Variants in BPGM observed in about 807,000 individuals in gnomAD.
The protein encoded by BPGM is bisphosphoglycerate mutase.
A neutral mutation model predicts 21.6 loss-of-function variants in BPGM; 15 were observed. That is an observed-to-expected ratio of 0.70 (90% CI 0.47 to 1.07). The LOEUF (loss-of-function observed/expected upper bound fraction) is 1.07. Among genes scored for constraint, BPGM ranks in the 50% least tolerant of loss-of-function variants. The pLI is 0.00. For missense variants in BPGM, 273 were observed against 319.0 expected (o/e 0.86, Z 1.10); for synonymous variants, 113 against 116.2 (o/e 0.97, Z 0.18).
rs532840399 is a variant in BPGM at position 134,674,736 on chromosome 7, G to C, written c.602-4117G>C. On this transcript the variant is annotated intron_variant, in intron 2 of 2. Transcript: ENST00000344924. ...TGCTGCTATGAAGGTTTGTGTACAAGTTTTGTATAGACTCATATTTCACTT... is the reference window on the plus strand; with the variant it reads ...TGCTGCTATGAAGGTTTGTGTACAACTTTTGTATAGACTCATATTTCACTT... Among the ~76,000 whole-genome samples, 128 of 152,170 alleles carry C rather than the reference G, an allele frequency of 8.4e-4. 2 individuals carry two copies. Among genetic ancestry groups the C allele is most frequent in the Non-Finnish European group, 1.8e-4 (12 of 68,030 alleles).
intron 2 of BPGM, among the ~76,000 whole-genome samples, chr7:134,668,969 G>A (rs1795861578): frequency 6.6e-6 from 1 of 152,142 alleles, no homozygotes; most frequent in Admixed American, 6.6e-5. Context: ...TTTATATCCT[G>A]ATTGGTTATT....
In BPGM at chr7:134,679,582, C is replaced by T. The variant is rs1486250167; in HGVS notation, c.*551C>T. 1 of 153,342 alleles carries T rather than the reference C, an allele frequency of 6.5e-6. No homozygotes were observed. Among genetic ancestry groups the T allele is most frequent in the Non-Finnish European group, 1.5e-5 (1 of 68,822 alleles). The allele number at this position is 153,342 out of a possible 1,614,324, so 9.5% of individuals were successfully genotyped here. ...TCTCCAAGAAAGCCAACAACCACCA[C>T]CACAATGACAGAAATGACAACAAGG... On this transcript the variant is annotated 3_prime_UTR_variant, in exon 3 of 3. Coordinates refer to ENST00000344924, the MANE Select transcript of BPGM (RefSeq NM_001724.5).
In BPGM at chr7:134,679,096, T is replaced by C. The variant is rs1433572944; in HGVS notation, c.*65T>C. On this transcript the variant is annotated 3_prime_UTR_variant, in exon 3 of 3. Transcript: ENST00000344924. ...TGGCATAGGAGTGTGTTATGGGTGC[T>C]GAACTCTCTCTCTTTTTCCCCGATT... The C allele has an allele frequency of 6.4e-7, 1 of 1,553,572 alleles. No individual in the cohort carries two copies. The highest frequency in any genetic ancestry group is 8.8e-7 in the Non-Finnish European group (1 of 1,132,248).
At chr7:134,656,075 A>C (rs1795632809) in intron 1 of BPGM, among the ~76,000 whole-genome samples, 1 of 152,186 alleles carries the variant, frequency 6.6e-6, no homozygotes, top group Non-Finnish European at 1.5e-5. Flanking sequence ...TGTCACCATC[A>C]CCTGAGGACT....
At chr7:134,657,915 C>A (rs1371762291) in intron 1 of BPGM, among the ~76,000 whole-genome samples, 5 of 152,108 alleles carry the variant, frequency 3.3e-5, no homozygotes, top group African/African-American at 1.2e-4. Flanking sequence ...GGGTTCTGAC[C>A]GTCTCCTGGG....
At chr7:134,672,970 A>G (rs1223916682) in intron 2 of BPGM, among the ~76,000 whole-genome samples, 9 of 152,044 alleles carry the variant, frequency 5.9e-5, no homozygotes, top group Admixed American at 5.9e-4. Flanking sequence ...GTCAGGAGAT[A>G]GAGACCATCC....
intron 1 of BPGM, among the ~76,000 whole-genome samples, chr7:134,647,939 A>G (rs1232113211): frequency 6.6e-6 from 1 of 151,826 alleles, no homozygotes; most frequent in Non-Finnish European, 1.5e-5. Flanking sequence ...CTGGGATTAC[A>G]AGCATAGGCC....
chr7:134,672,702 A>T (rs1046308413), intron 2 of BPGM, among the ~76,000 whole-genome samples: 1 of 152,154 alleles, frequency 6.6e-6, no homozygotes, highest in Admixed American at 6.6e-5. Flanking sequence ...CTAGATGTGA[A>T]ATCTGTATAT....
At chr7:134,656,507 A>G (rs1343618960) in intron 1 of BPGM, among the ~76,000 whole-genome samples, 1 of 152,260 alleles carries the variant, frequency 6.6e-6, no homozygotes, top group Admixed American at 6.5e-5. Context: ...ACAGTTCAGC[A>G]TGGCTGGAGA....
intron 1 of BPGM, among the ~76,000 whole-genome samples, chr7:134,655,374 A>T (rs1241993876): frequency 6.6e-6 from 1 of 152,096 alleles, no homozygotes; most frequent in African/African-American, 2.4e-5. Flanking sequence ...TGGGTTTGGA[A>T]GGACAAGTTG....
In BPGM at chr7:134,675,326, A is replaced by C. The variant is rs79661863; in HGVS notation, c.602-3527A>C. Among the ~76,000 whole-genome samples the C allele has an allele frequency of 2.0e-5, 3 of 152,220 alleles. No homozygotes were observed. In the East Asian group the frequency reaches 5.8e-4, roughly 29 times the overall value. On this transcript the variant is annotated intron_variant, in intron 2 of 2. Coordinates refer to ENST00000344924, the MANE Select transcript of BPGM (RefSeq NM_001724.5). ...TATCTGAGAAACCATTAATTAACTCAAGGTGATGAAGACTTTACTCCTATG... is the reference window on the plus strand; with the variant it reads ...TATCTGAGAAACCATTAATTAACTCCAGGTGATGAAGACTTTACTCCTATG...
chr7:134,662,275 T>C (rs954065016), intron 2 of BPGM, among the ~76,000 whole-genome samples, 167 bp downstream of exon 2: 8 of 152,232 alleles, frequency 5.3e-5, no homozygotes, highest in African/African-American at 1.4e-4. Context: ...CTCTTGTGTG[T>C]TTTCTGTTCC....
intron 2 of BPGM, among the ~76,000 whole-genome samples, chr7:134,677,923 T>C (rs1207133491): frequency 6.6e-6 from 1 of 152,230 alleles, no homozygotes; most frequent in East Asian, 1.9e-4. Context: ...ATTTACTCTC[T>C]GTGTGATAAT....
chr7:134,673,663 C>T (rs981511230), intron 2 of BPGM, among the ~76,000 whole-genome samples: 4 of 152,270 alleles, frequency 2.6e-5, no homozygotes, highest in African/African-American at 9.6e-5. Context: ...CTTTACCAGT[C>T]GTGGGAACAC....
At chr7:134,662,442 T>C (rs772208297) in intron 2 of BPGM, among the ~76,000 whole-genome samples, 1 of 152,242 alleles carries the variant, frequency 6.6e-6, no homozygotes, top group Non-Finnish European at 1.5e-5. Flanking sequence ...TTTTAGGTGA[T>C]GCTGATACTG....
At position 134,659,988 on chromosome 7, in the gene BPGM, A is replaced by G. The variant is rs188563741; in HGVS notation, c.-61-1459A>G. 1.7e-3 allele frequency among the ~76,000 whole-genome samples: 260 copies of G among 152,310 alleles called. 1 individual carries two copies. The highest frequency in any genetic ancestry group is 9.3e-3 in the South Asian group (45 of 4,826). On this transcript the variant is annotated intron_variant, in intron 1 of 2. Transcript: ENST00000344924. ...ATCTAGGTTTGTGTAAGTACATTCT[A>G]TGTTGTTTGCACGACAAAATCACCT...
chr7:134,652,709 A>G (rs1050142679), intron 1 of BPGM, among the ~76,000 whole-genome samples: 74 of 152,058 alleles, frequency 4.9e-4, no homozygotes, highest in African/African-American at 1.7e-3. Context: ...GCTCCCACAT[A>G]TGAGTGAAAA....
chr7:134,674,380 C>G (rs1795955303), intron 2 of BPGM, among the ~76,000 whole-genome samples: 1 of 152,158 alleles, frequency 6.6e-6, no homozygotes, highest in East Asian at 1.9e-4. Flanking sequence ...ACCCAGTGCC[C>G]CTTAGCTGTT....
chr7:134,658,892 A>ATTTTTTTTATTTTTAT (rs5741666), intron 1 of BPGM, among the ~76,000 whole-genome samples: 14,969 of 143,868 alleles, frequency 0.1, 1,298 homozygotes, highest in African/African-American at 0.22. Flanking sequence ...GTGTGTGTGT[A>ATTTTTTTTATTTTTAT]TTTTTTTTTT....
Sources: gnomAD v4.1 joint callset for allele counts (sites outside exome capture counted in the v4.1 genomes callset) on GRCh38, gnomAD v4.1.1 for gene constraint, MANE v1.5 for transcripts, NCBI Gene and HGNC (gene_info 2026-07-23, HGNC 2026-07-21) for gene names.